The following USP20 variants were observed in gnomAD, a reference collection of about 807,000 sequenced individuals.
The protein encoded by USP20 is ubiquitin carboxyl-terminal hydrolase 20.
A neutral mutation model predicts 124.2 loss-of-function variants in USP20; 80 were observed. The observed-to-expected ratio is 0.64, with a 90% CI of 0.54 to 0.78. The LOEUF is 0.78. Among genes scored for constraint, USP20 ranks in the 30% least tolerant of loss-of-function variants. USP20 has a pLI of 0.00. For synonymous variants in USP20, 481 were observed against 512.3 expected (o/e 0.94, Z 0.83); for missense variants, 1,043 against 1,244.4 (o/e 0.84, Z 2.44).
In USP20 at chr9:129,870,435, C is replaced by G. The variant is rs2034061479; in HGVS notation, c.1566-18C>G. 6.2e-7 allele frequency: 1 copy of G among 1,613,482 alleles called. No homozygotes were observed. The highest frequency in any genetic ancestry group is 2.2e-5 in the East Asian group (1 of 44,878). Reference sequence around the variant, plus strand: ...CCCAGGCCCTGGCAGCACCCCTGCACTCCTTTTCTGTCTGTAGGTTTGTGG... The same window carrying G: ...CCCAGGCCCTGGCAGCACCCCTGCAGTCCTTTTCTGTCTGTAGGTTTGTGG... On this transcript the variant is annotated intron_variant, in intron 14 of 25. Coordinates refer to ENST00000372429, the MANE Select transcript of USP20 (RefSeq NM_001110303.4).
At chr9:129,855,465 A>G (rs2033164101) in intron 3 of USP20, among the ~76,000 whole-genome samples, 1 of 151,222 alleles carries the variant, frequency 6.6e-6, no homozygotes, top group Admixed American at 6.6e-5. Context: ...CTTTTCTCTC[A>G]CAGAACAGAC....
chr9:129,843,767 G>T (rs572500398), intron 1 of USP20, among the ~76,000 whole-genome samples: 68 of 151,840 alleles, frequency 4.5e-4, no homozygotes, highest in African/African-American at 1.6e-3. Flanking sequence ...AAAACAAAAA[G>T]ATTTAGTCAA....
rs372821349 is a variant in USP20 at position 129,866,887 on chromosome 9, G to A, written c.691-1118G>A. On this transcript the variant is annotated intron_variant, in intron 10 of 25. Transcript: ENST00000372429. Reference sequence around the variant, plus strand: ...TTTGATCGTGCCTGCCACAGGACACGTGTCCCCTCCCTGATGCAATGTAAC... The same window carrying A: ...TTTGATCGTGCCTGCCACAGGACACATGTCCCCTCCCTGATGCAATGTAAC... Among the ~76,000 whole-genome samples the A allele has an allele frequency of 6.6e-5, 10 of 152,302 alleles. No individual in the cohort carries two copies. The East Asian group carries it at 1.9e-3, about 29-fold the overall frequency.
At position 129,874,569 on chromosome 9, in the gene USP20, C is replaced by A. The variant is rs1478204421; in HGVS notation, c.1741-7C>A. The stretch of plus-strand genomic sequence containing the variant: ...CTAGATGACCGGCGCTCTCTCTGTC[C>A]CCGCAGATCCTGTGCATTCACCTAA... On this transcript the variant is annotated splice_region_variant and splice_polypyrimidine_tract_variant and intron_variant, in intron 17 of 25. Transcript: ENST00000372429. 1.2e-6 allele frequency: 2 copies of A among 1,612,722 alleles called. No individual in the cohort carries two copies. Among genetic ancestry groups the A allele is most frequent in the African/African-American group, 1.3e-5 (1 of 74,910 alleles).
chr9:129,864,469 C>CAAA (rs575582320), intron 9 of USP20, among the ~76,000 whole-genome samples: 39 of 116,786 alleles, frequency 3.3e-4, no homozygotes, highest in African/African-American at 7.1e-4. Flanking sequence ...GACCCTGTCT[C>CAAA]AAAAAAAAAA....
intron 14 of USP20, 164 bp from the exon 15 acceptor site, chr9:129,870,289 T>A: frequency 1.5e-6 from 1 of 655,260 alleles, no homozygotes; most frequent in East Asian, 2.7e-5. Flanking sequence ...GACACGGACG[T>A]GTCTGGCTCC....
At chr9:129,855,196 C>T (rs2033147043) in intron 3 of USP20, among the ~76,000 whole-genome samples, 1 of 152,156 alleles carries the variant, frequency 6.6e-6, no homozygotes, top group Non-Finnish European at 1.5e-5. Flanking sequence ...CTTTGGGAGG[C>T]CAAGGCGGGT....
chr9:129,852,132 C>A (rs72755286), intron 2 of USP20, among the ~76,000 whole-genome samples: 21,909 of 152,156 alleles, frequency 0.14, 2,176 homozygotes, highest in African/African-American at 0.27. Flanking sequence ...GCCTTCTCTG[C>A]CTGTATCCTT....
rs1477748092 is a variant in USP20, at chr9:129,863,249, C to T, written c.561C>T (p.Ala187=). The part of the protein sequence containing the change: ...GGLVRTDKKP[A]LCKSYQKLVS... ...TGGTGCGCACAGATAAGAAGCCAGC[C>T]CTGTGCAAGAGCTACCAGAAGCTGG... Residue 187 remains alanine, a synonymous_variant, in exon 9 of 26, where the codon GCC becomes GCT. Transcript: ENST00000372429. 2 of 1,552,136 alleles carry T rather than the reference C, an allele frequency of 1.3e-6. No individual in the cohort carries two copies. Among genetic ancestry groups the T allele is most frequent in the South Asian group, 1.2e-5 (1 of 84,182 alleles).
chr9:129,871,557 A>G (rs1162596539), intron 15 of USP20, among the ~76,000 whole-genome samples: 1 of 152,154 alleles, frequency 6.6e-6, no homozygotes, highest in Admixed American at 6.5e-5. Context: ...GAGCCACCGT[A>G]CTGGGTTCCA....
chr9:129,876,096 C>G, intron 21 of USP20, 34 bp from the exon 22 acceptor site: 1 of 1,577,170 alleles, frequency 6.3e-7, no homozygotes, highest in South Asian at 1.1e-5. Flanking sequence ...GTACCCCGCT[C>G]AGGCCGTGTC....
intron 1 of USP20, among the ~76,000 whole-genome samples, chr9:129,837,124 T>C (rs1455796479): frequency 1.3e-5 from 2 of 152,242 alleles, no homozygotes; most frequent in African/African-American, 4.8e-5. Context: ...GAGTGCTCTT[T>C]AGCAAAAGGA....
At chr9:129,852,028 T>C (rs16931493) in intron 2 of USP20, among the ~76,000 whole-genome samples, 22,670 of 152,158 alleles carry the variant, frequency 0.15, 2,256 homozygotes, top group African/African-American at 0.27. Context: ...GTGGGATAAG[T>C]GGTCTGCCAG....
In USP20 at chr9:129,879,553, G is replaced by A; in HGVS notation, c.2513-20G>A. On this transcript the variant is annotated intron_variant, in intron 23 of 25. Transcript: ENST00000372429. This position sits in a 1 kb window ranked among gnomAD's most constrained non-coding sequence, Gnocchi z 4.2. ...AGGGCATGGCAGGGGCTGAACCCGAGCCCGCTGTGTCTGTTGCAGAGCCCC... is the reference window on the plus strand; with the variant it reads ...AGGGCATGGCAGGGGCTGAACCCGAACCCGCTGTGTCTGTTGCAGAGCCCC... 6.2e-7 allele frequency: 1 copy of A among 1,612,788 alleles called. No homozygotes were observed. Among genetic ancestry groups the A allele is most frequent in the South Asian group, 1.1e-5 (1 of 91,066 alleles).
intron 10 of USP20, 142 bp from the exon 11 acceptor site, chr9:129,867,863 T>C (rs2033895034): frequency 6.0e-6 from 6 of 1,001,530 alleles, no homozygotes; most frequent in Admixed American, 2.8e-5. Context: ...GGGAGGCCGC[T>C]GTGGGGGTGA....
chr9:129,868,473 G>A lies in USP20; in HGVS notation c.1135+24G>A, dbSNP rs200272853. 552 of 1,600,410 alleles carry A rather than the reference G, an allele frequency of 3.4e-4. 1 individual carries two copies. The highest frequency in any genetic ancestry group is 4.5e-4 in the Non-Finnish European group (528 of 1,173,048). On this transcript the variant is annotated intron_variant, in intron 11 of 25. Transcript: ENST00000372429. ...AGGTATCAGCTGGCCGGGGACTGCG[G>A]GAGGAACCTCAGCCTATGGCCCAGT...
At chr9:129,842,692 C>T (rs1430239241) in intron 1 of USP20, among the ~76,000 whole-genome samples, 1 of 150,868 alleles carries the variant, frequency 6.6e-6, no homozygotes, top group Non-Finnish European at 1.5e-5. Flanking sequence ...CTCCTGGGTT[C>T]AAGCGATTCT....
At chr9:129,841,079 T>C (rs2032181632) in intron 1 of USP20, among the ~76,000 whole-genome samples, 2 of 152,174 alleles carry the variant, frequency 1.3e-5, no homozygotes, top group African/African-American at 2.4e-5. Flanking sequence ...CCTAGAAACT[T>C]TCACATTGAT....
chr9:129,867,909 C>T, intron 10 of USP20, 96 bp from the exon 11 acceptor site: 2 of 1,463,936 alleles, frequency 1.4e-6, no homozygotes, highest in South Asian at 1.4e-5. Flanking sequence ...TGAGGTCCTC[C>T]TAGATGGAGG....
Sources: gnomAD v4.1 joint callset for allele counts (sites outside exome capture counted in the v4.1 genomes callset) on GRCh38, gnomAD v4.1.1 for gene constraint, Gnocchi (gnomAD v3.1) non-coding constraint, MANE v1.5 for transcripts, NCBI Gene and HGNC (gene_info 2026-07-23, HGNC 2026-07-21) for gene names.